Variants in DLG2 observed in about 807,000 individuals in gnomAD.
DLG2 encodes discs large MAGUK scaffold protein 2.
DLG2 carries 45 observed loss-of-function variants against 132.5 expected under a neutral mutation model. The observed-to-expected ratio is 0.34, with a 90% CI of 0.27 to 0.44. The LOEUF (loss-of-function observed/expected upper bound fraction) is 0.44, where lower values mean the gene tolerates loss of function less well. Among genes scored for constraint, DLG2 ranks in the 20% least tolerant of loss-of-function variants. The pLI is 1.00. For synonymous variants in DLG2, 424 were observed against 419.6 expected, an observed-to-expected ratio of 1.01 and a Z score of -0.13; for missense variants, 1,045 against 1,196.9, an observed-to-expected ratio of 0.87 and a Z score of 1.87.
chr11:84,556,142 G>A (rs7128948), intron 6 of DLG2, among the ~76,000 whole-genome samples: 38,770 of 152,084 alleles, frequency 0.25, 5,335 homozygotes, highest in South Asian at 0.36. Flanking sequence ...AATGAATTTT[G>A]TAACACTTGG....
intron 6 of DLG2, among the ~76,000 whole-genome samples, chr11:84,813,403 A>C (rs2153974365): frequency 6.6e-6 from 1 of 152,258 alleles, no homozygotes; most frequent in African/African-American, 2.4e-5. Flanking sequence ...GGTACAGAGA[A>C]GATGATTAAC....
intron 3 of DLG2, among the ~76,000 whole-genome samples, chr11:85,315,057 A>T (rs559034621): frequency 6.9e-4 from 105 of 152,060 alleles, no homozygotes; most frequent in Admixed American, 1.3e-3. Flanking sequence ...TGTGCCTCTG[A>T]TCTTTGAGGG....
chr11:84,468,647 A>G (rs72943724), intron 7 of DLG2, among the ~76,000 whole-genome samples: 3,121 of 151,692 alleles, frequency 0.021, 55 homozygotes, highest in Non-Finnish European at 0.036. Flanking sequence ...CATGGGATTT[A>G]ACCAAGACAT....
intron 6 of DLG2, among the ~76,000 whole-genome samples, chr11:84,623,816 C>T (rs1248344191): frequency 6.6e-6 from 1 of 152,132 alleles, no homozygotes; most frequent in Non-Finnish European, 1.5e-5. Flanking sequence ...TACGTCCTTC[C>T]CACCACAATG....
At chr11:83,581,948 C>CTTTTTTTTTTTTTTTTTTTTTTTTT (rs71849863) in intron 19 of DLG2, among the ~76,000 whole-genome samples, 1 of 52,634 alleles carries the variant, frequency 1.9e-5, no homozygotes, top group Non-Finnish European at 3.1e-5. Flanking sequence ...AGTTTGGACT[C>CTTTTTTTTTTTTTTTTTTTTTTTTT]TTTTTTTTTT....
At chr11:83,592,507 G>T (rs2097205343) in intron 19 of DLG2, among the ~76,000 whole-genome samples, 1 of 151,974 alleles carries the variant, frequency 6.6e-6, no homozygotes, top group African/African-American at 2.4e-5. Flanking sequence ...ATGGATTAAA[G>T]ACTTAAACGT....
intron 7 of DLG2, among the ~76,000 whole-genome samples, chr11:84,484,856 A>T (rs1032184472): frequency 9.9e-5 from 15 of 152,148 alleles, no homozygotes; most frequent in Admixed American, 4.6e-4. Context: ...GTAGTCACTG[A>T]TGTTTTAAAT....
At chr11:85,082,177 G>C (rs145441027) in intron 6 of DLG2, among the ~76,000 whole-genome samples, 2 of 152,174 alleles carry the variant, frequency 1.3e-5, no homozygotes, top group African/African-American at 4.8e-5. Context: ...TACCTTTAGA[G>C]GGCTCCTGCT....
At chr11:84,125,126 A>G (rs182954984) in intron 9 of DLG2, among the ~76,000 whole-genome samples, 11 of 152,242 alleles carry the variant, frequency 7.2e-5, no homozygotes, top group African/African-American at 2.4e-4. Flanking sequence ...CTGGGATTAC[A>G]GGTGTGAGCC....
chr11:85,576,810 A>G (rs2078183862), intron 3 of DLG2, among the ~76,000 whole-genome samples: 1 of 152,178 alleles, frequency 6.6e-6, no homozygotes, highest in Non-Finnish European at 1.5e-5. Flanking sequence ...ATAAATAAAA[A>G]TTATCTAGAG....
intron 8 of DLG2, among the ~76,000 whole-genome samples, chr11:84,231,826 G>A (rs967821148): frequency 3.3e-5 from 5 of 152,098 alleles, no homozygotes; most frequent in African/African-American, 1.2e-4. Context: ...GACAAGTTCA[G>A]AGGCAAATGA....
At chr11:83,846,917 C>T (rs1262130288) in intron 16 of DLG2, among the ~76,000 whole-genome samples, 2 of 125,028 alleles carry the variant, frequency 1.6e-5, no homozygotes, top group African/African-American at 6.6e-5. Flanking sequence ...CATAACCATA[C>T]CTTCTAATCA....
chr11:85,575,823 A>T (rs2078126164), intron 3 of DLG2, among the ~76,000 whole-genome samples: 1 of 152,120 alleles, frequency 6.6e-6, no homozygotes, highest in Non-Finnish European at 1.5e-5. Flanking sequence ...CATACTATAC[A>T]TTTGTATATT....
intron 18 of DLG2, among the ~76,000 whole-genome samples, chr11:83,638,630 C>G (rs537013072): frequency 6.6e-6 from 1 of 152,084 alleles, no homozygotes; most frequent in Non-Finnish European, 1.5e-5. Flanking sequence ...TTACGGCCTC[C>G]CTCTACTTGT....
chr11:84,643,127 G>A (rs917729176), intron 6 of DLG2, among the ~76,000 whole-genome samples: 2 of 152,166 alleles, frequency 1.3e-5, no homozygotes, highest in Admixed American at 6.5e-5. Context: ...TAAGGTAGAT[G>A]CTCTGTGTGT....
chr11:85,445,404 G>A (rs909385913), intron 3 of DLG2, among the ~76,000 whole-genome samples: 2 of 152,172 alleles, frequency 1.3e-5, no homozygotes, highest in Non-Finnish European at 2.9e-5. Context: ...CTGGCCGGGC[G>A]CGGTGGCTCA....
chr11:84,855,135 T>C (rs1431050046), intron 6 of DLG2, among the ~76,000 whole-genome samples: 1 of 152,008 alleles, frequency 6.6e-6, no homozygotes, highest in Non-Finnish European at 1.5e-5. Flanking sequence ...GGCCTGAGCT[T>C]CAACTGGCCA....
intron 6 of DLG2, among the ~76,000 whole-genome samples, chr11:84,891,909 T>C (rs1051343703): frequency 2.0e-5 from 3 of 152,176 alleles, no homozygotes; most frequent in Admixed American, 1.3e-4. Flanking sequence ...GCACCATTTA[T>C]TATAATACTT....
intron 6 of DLG2, among the ~76,000 whole-genome samples, chr11:84,604,551 G>C (rs964270297): frequency 1.3e-5 from 2 of 151,844 alleles, no homozygotes; most frequent in Non-Finnish European, 2.9e-5. Flanking sequence ...TGTCATTCAG[G>C]CAGTGTTCTA....
Sources: gnomAD v4.1 joint callset for allele counts (sites outside exome capture counted in the v4.1 genomes callset) on GRCh38, gnomAD v4.1.1 for gene constraint, MANE v1.5 for transcripts, NCBI Gene and HGNC (gene_info 2026-07-23, HGNC 2026-07-21) for gene names.